Variants in PRKCH observed in about 807,000 individuals in gnomAD.
The protein encoded by PRKCH is protein kinase C eta type.
PRKCH carries 28 observed loss-of-function variants against 82.5 expected under a neutral mutation model. That is an observed-to-expected ratio of 0.34 (90% CI 0.25 to 0.47). PRKCH has a LOEUF of 0.47. PRKCH is among the 20% of genes least tolerant of loss of function. The probability of loss-of-function intolerance (pLI) is 1.00; values close to 1 mark genes in which losing one functional copy is unlikely to be tolerated. For missense variants in PRKCH, 705 were observed against 881.8 expected (o/e 0.80, Z 2.54); for synonymous variants, 322 against 327.4 (o/e 0.98, Z 0.18).
chr14:61,273,498 C>A (rs889484747), intron 1 of PRKCH, among the ~76,000 whole-genome samples: 3 of 152,138 alleles, frequency 2.0e-5, no homozygotes, highest in Non-Finnish European at 4.4e-5. Context: ...CATAAAGAAG[C>A]ACCACAAAAA....
At chr14:61,437,481 A>G (rs1428117407) in intron 2 of PRKCH, among the ~76,000 whole-genome samples, 1 of 152,196 alleles carries the variant, frequency 6.6e-6, no homozygotes, top group African/African-American at 2.4e-5. Context: ...TTATCTCAGG[A>G]AGAAGAAAAA....
chr14:61,281,089 T>C, intron 1 of PRKCH: 1 of 1,507,820 alleles, frequency 6.6e-7, no homozygotes. Flanking sequence ...GAGGCGCTGC[T>C]GAGTGAAGGC....
At chr14:61,309,214 C>T (rs568069684) in intron 1 of PRKCH, among the ~76,000 whole-genome samples, 4 of 151,970 alleles carry the variant, frequency 2.6e-5, no homozygotes, top group African/African-American at 4.8e-5. Flanking sequence ...CCTGGGAGGT[C>T]GAGGCTGCAG....
chr14:61,188,239 C>T (rs1962015362), intron 1 of PRKCH, among the ~76,000 whole-genome samples: 1 of 152,338 alleles, frequency 6.6e-6, no homozygotes, highest in Non-Finnish European at 1.5e-5. Context: ...TTTACCTCTG[C>T]CTTTGCAGGT....
At chr14:61,482,169 G>A (rs1886006945) in intron 9 of PRKCH, among the ~76,000 whole-genome samples, 1 of 151,278 alleles carries the variant, frequency 6.6e-6, no homozygotes. Context: ...TAATTTTCTT[G>A]TACTTTTAGT....
At chr14:61,464,609 GT>G (rs1274112542) in intron 9 of PRKCH, among the ~76,000 whole-genome samples, 1 of 151,916 alleles carries the variant, frequency 6.6e-6, no homozygotes, top group Non-Finnish European at 1.5e-5. Flanking sequence ...TGTTCTCATT[GT>G]TCAACTTATG....
intron 4 of PRKCH, among the ~76,000 whole-genome samples, chr14:61,448,071 C>A (rs1884310425): frequency 6.6e-6 from 1 of 152,170 alleles, no homozygotes; most frequent in African/African-American, 2.4e-5. Context: ...CCAAATACCT[C>A]AAAAAATAAA....
At chr14:61,368,007 C>T (rs1019327583) in intron 1 of PRKCH, among the ~76,000 whole-genome samples, 3 of 152,058 alleles carry the variant, frequency 2.0e-5, no homozygotes, top group Non-Finnish European at 4.4e-5. Context: ...AGCCACCGCG[C>T]CCAGCCTGGA....
chr14:61,404,055 T>C (rs1881807535), intron 2 of PRKCH, among the ~76,000 whole-genome samples: 1 of 152,248 alleles, frequency 6.6e-6, no homozygotes, highest in Non-Finnish European at 1.5e-5. Context: ...CCACTTGTGT[T>C]GGTAACCCTT....
rs147160132 is a variant in PRKCH, at chr14:61,528,973, C to CAT, written c.1434-102_1434-101insAT. 3 of 567,222 alleles carry CAT rather than the reference C, an allele frequency of 5.3e-6. No individual in the cohort carries two copies. In the African/African-American group the frequency reaches 7.8e-5, roughly 15 times the overall value. The allele number at this position is 567,222 out of a possible 1,614,324, so 35.1% of individuals were successfully genotyped here. A position where few individuals can be genotyped will look rare whatever the true frequency, so the allele number is the denominator to read the frequency against. On this transcript the variant is annotated intron_variant, in intron 10 of 13. Transcript: ENST00000332981. ...GCTCATGCGGCCGCATGTGGCCGCA[C>CAT]GTGTGTGTGTGTGTGTGTGTGTGTG...
chr14:61,467,126 T>A (rs1885297292), intron 9 of PRKCH, among the ~76,000 whole-genome samples: 1 of 152,150 alleles, frequency 6.6e-6, no homozygotes, highest in East Asian at 1.9e-4. Flanking sequence ...AGCAAGGTAG[T>A]CATGTGGCCC....
At chr14:61,212,585 C>G (rs1383347689) in intron 1 of PRKCH, among the ~76,000 whole-genome samples, 1 of 152,174 alleles carries the variant, frequency 6.6e-6, no homozygotes, top group Non-Finnish European at 1.5e-5. Context: ...TTATATCCAT[C>G]TAAGTATTTA....
At chr14:61,382,831 G>A (rs187517080) in intron 1 of PRKCH, among the ~76,000 whole-genome samples, 1 of 152,330 alleles carries the variant, frequency 6.6e-6, no homozygotes, top group East Asian at 1.9e-4. Flanking sequence ...GAAGTTTCCT[G>A]TCTGTGATCA....
chr14:61,528,906 A>G (rs2140005263), intron 10 of PRKCH, 169 bp from the exon 11 acceptor site: 1 of 556,168 alleles, frequency 1.8e-6, no homozygotes, highest in East Asian at 3.5e-5. Flanking sequence ...TGTCATCCAG[A>G]TAGCACAGAG....
At chr14:61,286,885 G>A (rs1386410350) in intron 1 of PRKCH, among the ~76,000 whole-genome samples, 1 of 151,900 alleles carries the variant, frequency 6.6e-6, no homozygotes, top group East Asian at 1.9e-4. Context: ...TTAAACAGCA[G>A]AGGCATTAGG....
At chr14:61,334,759 G>A (rs533771188) in intron 1 of PRKCH, among the ~76,000 whole-genome samples, 1 of 152,126 alleles carries the variant, frequency 6.6e-6, no homozygotes, top group Non-Finnish European at 1.5e-5. Flanking sequence ...GCTAATGTTT[G>A]CTACCTTATA....
At chr14:61,231,633 T>A (rs1485340236) in intron 1 of PRKCH, among the ~76,000 whole-genome samples, 2 of 152,072 alleles carry the variant, frequency 1.3e-5, no homozygotes, top group African/African-American at 2.4e-5. Context: ...CGGCCTCCCA[T>A]AGTGCTGGGA....
chr14:61,425,180 C>G (rs1001118678), intron 2 of PRKCH, among the ~76,000 whole-genome samples: 2 of 152,186 alleles, frequency 1.3e-5, no homozygotes, highest in Admixed American at 6.5e-5. Context: ...GAGACCCCAC[C>G]GTGGCACTGC....
chr14:61,335,802 A>G (rs1199557426), intron 1 of PRKCH, among the ~76,000 whole-genome samples: 1 of 152,234 alleles, frequency 6.6e-6, no homozygotes, highest in African/African-American at 2.4e-5. Flanking sequence ...ACATTTGCCT[A>G]AGTCACATGA....
Sources: allele counts gnomAD v4.1 joint callset (sites outside exome capture counted in the v4.1 genomes callset), GRCh38; gene constraint gnomAD v4.1.1; transcripts MANE v1.5; gene names NCBI Gene and HGNC (gene_info 2026-07-23, HGNC 2026-07-21).